Variants in GAP43 observed in about 807,000 individuals in gnomAD.
GAP43 encodes neuromodulin.
In GAP43, 6 loss-of-function variants were observed where a neutral mutation model predicts 18.6. The ratio of observed to expected loss-of-function variants is 0.32; its 90% CI spans 0.18 to 0.64. The LOEUF (loss-of-function observed/expected upper bound fraction) is 0.64, where lower values mean the gene tolerates loss of function less well. Ranked by LOEUF, GAP43 falls within the 30% of genes least tolerant of loss-of-function variation. The probability of loss-of-function intolerance (pLI) is 0.78; values close to 1 mark genes in which losing one functional copy is unlikely to be tolerated. For synonymous variants in GAP43, 115 were observed against 111.4 expected (o/e 1.03, Z -0.20); for missense variants, 292 against 295.5 (o/e 0.99, Z 0.09).
intron 2 of GAP43, among the ~76,000 whole-genome samples, chr3:115,678,038 T>C (rs1708915616): frequency 1.3e-5 from 2 of 152,206 alleles, no homozygotes; most frequent in Non-Finnish European, 2.9e-5. Flanking sequence ...ATCTTTATTC[T>C]AACACACAAC....
At chr3:115,677,908 A>G (rs993191523) in intron 2 of GAP43, among the ~76,000 whole-genome samples, 1 of 152,264 alleles carries the variant, frequency 6.6e-6, no homozygotes, top group Non-Finnish European at 1.5e-5. Flanking sequence ...TAGATATTTT[A>G]GGTCTACTTC....
At chr3:115,662,854 A>G (rs1057179064) in intron 1 of GAP43, among the ~76,000 whole-genome samples, 2 of 152,210 alleles carry the variant, frequency 1.3e-5, no homozygotes, top group African/African-American at 2.4e-5. Context: ...GAATTAGACA[A>G]TATCTCCCTA....
chr3:115,691,544 A>G (rs1038319010), intron 2 of GAP43, among the ~76,000 whole-genome samples: 3 of 152,224 alleles, frequency 2.0e-5, no homozygotes, highest in Non-Finnish European at 4.4e-5. Flanking sequence ...CCTAATAGAA[A>G]GTCACCATTG....
chr3:115,703,192 G>T (rs1324594281), intron 2 of GAP43, among the ~76,000 whole-genome samples: 1 of 152,070 alleles, frequency 6.6e-6, no homozygotes, highest in East Asian at 1.9e-4. Context: ...AAACAGTAAA[G>T]CTAAAATTCA....
At chr3:115,669,799 T>C (rs887097513) in intron 1 of GAP43, among the ~76,000 whole-genome samples, 1 of 151,880 alleles carries the variant, frequency 6.6e-6, no homozygotes, top group African/African-American at 2.4e-5. Flanking sequence ...AAAGTTAACA[T>C]TACTACTGCA....
intron 1 of GAP43, among the ~76,000 whole-genome samples, chr3:115,659,360 A>G (rs997619578): frequency 6.6e-6 from 1 of 152,074 alleles, no homozygotes; most frequent in Non-Finnish European, 1.5e-5. Flanking sequence ...TCTATAGACA[A>G]TTGCACACAA....
chr3:115,635,948 C>A (rs180890414), intron 1 of GAP43, among the ~76,000 whole-genome samples: 4 of 152,180 alleles, frequency 2.6e-5, no homozygotes, highest in Admixed American at 2.0e-4. Context: ...CCTGCATTAT[C>A]ATTCCCGTGT....
chr3:115,635,106 A>AT (rs879910987), intron 1 of GAP43, among the ~76,000 whole-genome samples: 409 of 151,430 alleles, frequency 2.7e-3, no homozygotes, highest in African/African-American at 6.3e-3. Flanking sequence ...TTCAAACGTC[A>AT]TTTTTTTTTC....
At chr3:115,637,246 A>G (rs544814688) in intron 1 of GAP43, among the ~76,000 whole-genome samples, 2 of 152,156 alleles carry the variant, frequency 1.3e-5, no homozygotes, top group South Asian at 4.1e-4. Flanking sequence ...TCTGCCAAGT[A>G]GTTTGCAAAC....
At chr3:115,652,356 C>CTTT (rs71141831) in intron 1 of GAP43, among the ~76,000 whole-genome samples, 3,163 of 43,632 alleles carry the variant, frequency 0.072, 970 homozygotes, top group Admixed American at 0.1. Context: ...ATCCAGCATT[C>CTTT]TTTTTTTTTT....
At chr3:115,697,482 T>A (rs1448927761) in intron 2 of GAP43, among the ~76,000 whole-genome samples, 2 of 152,212 alleles carry the variant, frequency 1.3e-5, no homozygotes, top group African/African-American at 2.4e-5. Context: ...GACCGGAAGA[T>A]GATGGCCGCT....
intron 1 of GAP43, chr3:115,664,032 T>C: frequency 1.0e-6 from 1 of 960,046 alleles, no homozygotes; most frequent in South Asian, 1.7e-5. Context: ...AATGTCCTTC[T>C]ACTTAGTCTT....
chr3:115,717,783 G>C (rs542281384), intron 2 of GAP43, among the ~76,000 whole-genome samples: 1 of 151,348 alleles, frequency 6.6e-6, no homozygotes, highest in African/African-American at 2.4e-5. Context: ...ATACTTTGAA[G>C]CATTTGAGAA....
intron 2 of GAP43, among the ~76,000 whole-genome samples, chr3:115,712,857 C>T (rs1709458647): frequency 1.3e-5 from 2 of 152,268 alleles, no homozygotes; most frequent in South Asian, 4.1e-4. Context: ...TTCTTGGTTA[C>T]TCTTTGAAAT....
intron 2 of GAP43, among the ~76,000 whole-genome samples, chr3:115,683,032 G>A (rs10804518): frequency 0.11 from 16,626 of 151,874 alleles, 1,525 homozygotes; most frequent in East Asian, 0.35. Flanking sequence ...ACTACATTTG[G>A]AACTAAAAAT....
At chr3:115,660,647 G>A (rs1424548476) in intron 1 of GAP43, among the ~76,000 whole-genome samples, 1 of 152,208 alleles carries the variant, frequency 6.6e-6, no homozygotes, top group East Asian at 1.9e-4. Flanking sequence ...AAGAACTGTA[G>A]ATTTCTCAGA....
At chr3:115,672,097 T>C (rs1240203424) in intron 1 of GAP43, among the ~76,000 whole-genome samples, 1 of 152,142 alleles carries the variant, frequency 6.6e-6, no homozygotes, top group Non-Finnish European at 1.5e-5. Context: ...TACAAGTAAG[T>C]CCAAGCTATT....
intron 2 of GAP43, among the ~76,000 whole-genome samples, chr3:115,696,604 C>A (rs1027572794): frequency 8.0e-6 from 1 of 124,494 alleles, no homozygotes; most frequent in East Asian, 2.9e-4. Flanking sequence ...AACAGGTATG[C>A]TCATATGCAG....
At chr3:115,712,642 A>G (rs1041785534) in intron 2 of GAP43, among the ~76,000 whole-genome samples, 1 of 152,200 alleles carries the variant, frequency 6.6e-6, no homozygotes, top group Non-Finnish European at 1.5e-5. Flanking sequence ...GGCACGCATT[A>G]TTATTCATAT....
Sources: allele counts gnomAD v4.1 joint callset (sites outside exome capture counted in the v4.1 genomes callset), GRCh38; gene constraint gnomAD v4.1.1; transcripts MANE v1.5; gene names NCBI Gene and HGNC (gene_info 2026-07-23, HGNC 2026-07-21).